Variants in ZNF398 observed in about 807,000 individuals in gnomAD.
ZNF398 encodes the protein zinc finger protein 398, also known as zinc finger DNA binding protein ZER6.
A neutral mutation model predicts 41.9 loss-of-function variants in ZNF398; 18 were observed. That is an observed-to-expected ratio of 0.43 (90% confidence interval 0.30 to 0.64). ZNF398 has a LOEUF of 0.64. ZNF398 is among the 30% of genes least tolerant of loss of function. The probability of loss-of-function intolerance (pLI) is 0.14; values close to 1 mark genes in which losing one functional copy is unlikely to be tolerated. For synonymous variants in ZNF398, 260 were observed against 308.8 expected, an observed-to-expected ratio of 0.84 and a Z score of 1.66; for missense variants, 669 against 822.8, an observed-to-expected ratio of 0.81 and a Z score of 2.29.
upstream of ZNF398, among the ~76,000 whole-genome samples, chr7:149,145,695 A>G (rs188444530): frequency 2.8e-3 from 421 of 152,184 alleles, 1 homozygote; most frequent in Admixed American, 4.8e-3. Context: ...TCTCCCACCA[A>G]TCAGTCAACT....
At chr7:149,160,016 G>A (rs978785509) in intron 2 of ZNF398, among the ~76,000 whole-genome samples, 11 of 152,048 alleles carry the variant, frequency 7.2e-5, no homozygotes, top group South Asian at 2.1e-4. Flanking sequence ...GTGAGTCACC[G>A]GGCCCAGCCA....
intron 2 of ZNF398, among the ~76,000 whole-genome samples, chr7:149,161,546 C>CA (rs2129520831): frequency 6.6e-6 from 1 of 152,300 alleles, no homozygotes; most frequent in East Asian, 1.9e-4. Flanking sequence ...GTTTGGATGA[C>CA]AGAGTGAGAC....
intron 1 of ZNF398, chr7:149,151,296 A>T: frequency 1.6e-6 from 2 of 1,229,102 alleles, no homozygotes; most frequent in Non-Finnish European, 2.1e-6. Context: ...AGGCAGAAAG[A>T]CATGAGAGAA....
At chr7:149,176,983 C>T (rs531006819) in intron 5 of ZNF398, among the ~76,000 whole-genome samples, 51 of 152,142 alleles carry the variant, frequency 3.4e-4, no homozygotes, top group Non-Finnish European at 5.0e-4. Flanking sequence ...AGAGCCCTCC[C>T]TCAGTGAAAG....
At position 149,154,329 on chromosome 7, in the gene ZNF398, G is replaced by A; in HGVS notation, c.409G>A (p.Asp137Asn). The A allele has an allele frequency of 6.2e-7, 1 of 1,611,376 alleles. No homozygotes were observed. The highest frequency in any genetic ancestry group is 8.5e-7 in the Non-Finnish European group (1 of 1,178,610). ...GCGGCTCCCTCCAGGTATTAAGGGA[G>A]ATATCCCAAAGGTAATACCTTCATT... ...ILRLPPGIKG[D>N]IPKVPVAFDD... Residue 137 changes from aspartate to asparagine, a missense_variant, in exon 2 of 6, where the codon GAT becomes AAT. Asp to Asn is a conservative substitution (Grantham distance 23). Coordinates refer to ENST00000475153, the MANE Select transcript of ZNF398 (RefSeq NM_170686.3).
At chr7:149,178,515 C>G (rs552912177) in intron 5 of ZNF398, 133 bp from the exon 6 acceptor site, 14 of 714,986 alleles carry the variant, frequency 2.0e-5, no homozygotes, top group Non-Finnish European at 2.9e-5. Flanking sequence ...ACAGATGTCT[C>G]GGTTATTATT....
rs1031206435 is a variant in ZNF398 at position 149,147,978 on chromosome 7, G to C, written c.24+212G>C. 8 of 459,596 alleles carry C rather than the reference G, an allele frequency of 1.7e-5. No homozygotes were observed. The highest frequency in any genetic ancestry group is 2.9e-5 in the Non-Finnish European group (8 of 279,954). The allele number at this position is 459,596 out of a possible 1,614,324, so 28.5% of individuals were successfully genotyped here. ...CCACCCGGGGACACCAGGCTGGGCC[G>C]CAGGTCTGAGGGGCACTCGCAGGCA... On this transcript the variant is annotated intron_variant, in intron 1 of 5. Coordinates refer to ENST00000475153, the MANE Select transcript of ZNF398 (RefSeq NM_170686.3). This position sits in a 1 kb window ranked among gnomAD's most constrained non-coding sequence, Gnocchi z 5.6.
intron 4 of ZNF398, among the ~76,000 whole-genome samples, chr7:149,167,310 C>G (rs1335074492): frequency 6.6e-6 from 1 of 152,202 alleles, no homozygotes; most frequent in East Asian, 1.9e-4. Flanking sequence ...CATGGTCCCT[C>G]TAAGATGCAT....
chr7:149,175,008 T>G (rs1042066741), intron 4 of ZNF398, among the ~76,000 whole-genome samples: 1 of 152,222 alleles, frequency 6.6e-6, no homozygotes, highest in South Asian at 2.1e-4. Flanking sequence ...TTTAATACAC[T>G]TCAGCTTTTC....
At chr7:149,145,773 C>A (rs1001592554), upstream of ZNF398, among the ~76,000 whole-genome samples, 78 of 152,230 alleles carry the variant, frequency 5.1e-4, no homozygotes, top group African/African-American at 1.9e-3. Flanking sequence ...GAGGCTTCTT[C>A]CTGTCTCCTC....
rs1468810604 is a variant in ZNF398 at position 149,183,037 on chromosome 7, A to AAC, written c.*3237_*3238insCA. Among the ~76,000 whole-genome samples, 2 of 150,830 alleles carry AAC rather than the reference A, an allele frequency of 1.3e-5. 1 individual carries two copies. Among genetic ancestry groups the AAC allele is most frequent in the East Asian group, 3.9e-4 (2 of 5,132 alleles). On this transcript the variant is annotated 3_prime_UTR_variant, in exon 6 of 6. Transcript: ENST00000475153. ...CCTCGTTGATATTAAAAAAAAAAAA[A>AAC]AAAAAGGACCTCATTCCAAATGGAA...
intron 4 of ZNF398, among the ~76,000 whole-genome samples, chr7:149,169,530 C>T (rs535557182): frequency 3.7e-4 from 56 of 152,270 alleles, no homozygotes; most frequent in Non-Finnish European, 7.2e-4. Context: ...GAGATCAGTG[C>T]AGCCTGTGCC....
chr7:149,138,060 G>C (rs563440030), intron 2 of ZNF398, among the ~76,000 whole-genome samples: 1 of 151,802 alleles, frequency 6.6e-6, no homozygotes, highest in Admixed American at 6.6e-5. Context: ...AATTAGTTGC[G>C]CATGGTGGCG....
upstream of ZNF398, among the ~76,000 whole-genome samples, chr7:149,146,599 A>G (rs1471541362): frequency 6.6e-6 from 1 of 151,780 alleles, no homozygotes; most frequent in Non-Finnish European, 1.5e-5. Flanking sequence ...TTGTAATCCT[A>G]GCACTTTGGG....
chr7:149,176,435 T>C, intron 4 of ZNF398, 33 bp from the exon 5 acceptor site: 3 of 1,459,468 alleles, frequency 2.1e-6, no homozygotes, highest in Non-Finnish European at 1.9e-6. Flanking sequence ...TTCAAGTTCA[T>C]GAAGGCCATT....
intron 4 of ZNF398, among the ~76,000 whole-genome samples, chr7:149,174,957 G>A (rs1032310169): frequency 2.0e-5 from 3 of 152,056 alleles, no homozygotes; most frequent in African/African-American, 4.8e-5. Flanking sequence ...ATATGTATGT[G>A]TATAACATCT....
At chr7:149,129,177 G>A (rs1826548961) in intron 2 of ZNF398, among the ~76,000 whole-genome samples, 1 of 151,864 alleles carries the variant, frequency 6.6e-6, no homozygotes, top group African/African-American at 2.4e-5. Flanking sequence ...TTCCTTCTTT[G>A]TCATGCAATG....
chr7:149,146,855 T>C (rs1489324828), upstream of ZNF398, among the ~76,000 whole-genome samples: 2 of 151,846 alleles, frequency 1.3e-5, no homozygotes, highest in Middle Eastern at 3.4e-3. Flanking sequence ...TCTAAATAAA[T>C]AAATAAACAA....
At chr7:149,174,776 A>C (rs369924532) in intron 4 of ZNF398, among the ~76,000 whole-genome samples, 1 of 152,208 alleles carries the variant, frequency 6.6e-6, no homozygotes, top group Non-Finnish European at 1.5e-5. Context: ...CAGTAAGCCA[A>C]GATTACGCCA....
Sources: gnomAD v4.1 joint callset for allele counts (sites outside exome capture counted in the v4.1 genomes callset) on GRCh38, gnomAD v4.1.1 for gene constraint, Gnocchi (gnomAD v3.1) non-coding constraint, MANE v1.5 for transcripts, NCBI Gene and HGNC (gene_info 2026-07-23, HGNC 2026-07-21) for gene names.